ATAD2: variants seen among roughly 807,000 people sequenced by gnomAD.
The protein encoded by ATAD2 is ATPase family AAA domain-containing protein 2.
Under a neutral mutation model 168.9 loss-of-function variants are expected in ATAD2, and 62 were observed. The observed-to-expected ratio is 0.37, with a 90% CI of 0.30 to 0.45. The LOEUF is 0.45. Ranked by LOEUF, ATAD2 falls within the 20% of genes least tolerant of loss-of-function variation. The probability of loss-of-function intolerance (pLI) is 1.00; values close to 1 mark genes in which losing one functional copy is unlikely to be tolerated. For missense variants in ATAD2, 1,419 were observed against 1,667.8 expected (o/e 0.85, Z 2.60); for synonymous variants, 613 against 571.6 (o/e 1.07, Z -1.03).
chr8:123,327,911 T>C (rs1156810516), intron 25 of ATAD2, among the ~76,000 whole-genome samples: 2 of 152,218 alleles, frequency 1.3e-5, no homozygotes, highest in Non-Finnish European at 2.9e-5. Context: ...TACCCCAATT[T>C]TGCAGATAAG....
intron 24 of ATAD2, among the ~76,000 whole-genome samples, chr8:123,331,321 C>T (rs1476560240): frequency 6.6e-6 from 1 of 152,100 alleles, no homozygotes; most frequent in Non-Finnish European, 1.5e-5. Context: ...TCACTGCAAA[C>T]CCCACCTCCT....
chr8:123,339,217 G>C, intron 20 of ATAD2, 94 bp downstream of exon 20: 5 of 1,137,606 alleles, frequency 4.4e-6, no homozygotes, highest in Non-Finnish European at 4.9e-6. Context: ...CTTAGGTTTT[G>C]AGCTTGTGTT....
chr8:123,390,538 A>C (rs1229035868), intron 1 of ATAD2, among the ~76,000 whole-genome samples: 4 of 152,174 alleles, frequency 2.6e-5, no homozygotes, highest in Non-Finnish European at 4.4e-5. Flanking sequence ...ATACTTCATT[A>C]AGCTATATAC....
intron 12 of ATAD2, among the ~76,000 whole-genome samples, chr8:123,356,810 T>G (rs1056836726): frequency 6.6e-6 from 1 of 151,860 alleles, no homozygotes; most frequent in Non-Finnish European, 1.5e-5. Flanking sequence ...ATTTATAAAT[T>G]TAAACATAAG....
intron 18 of ATAD2, among the ~76,000 whole-genome samples, chr8:123,345,401 C>T (rs919067953): frequency 6.6e-6 from 1 of 151,842 alleles, no homozygotes; most frequent in Non-Finnish European, 1.5e-5. Flanking sequence ...GTGGCTCATG[C>T]CTATAATCCA....
chr8:123,378,379 T>A (rs1160700378), intron 2 of ATAD2, among the ~76,000 whole-genome samples: 1 of 152,068 alleles, frequency 6.6e-6, no homozygotes, highest in Non-Finnish European at 1.5e-5. Flanking sequence ...ACCTTGCTTA[T>A]CTAGAAAATA....
At chr8:123,362,401 A>G (rs1828854571) in intron 8 of ATAD2, among the ~76,000 whole-genome samples, 1 of 151,812 alleles carries the variant, frequency 6.6e-6, no homozygotes, top group African/African-American at 2.4e-5. Context: ...ACCTACTTTA[A>G]AAAATCAAAT....
intron 1 of ATAD2, among the ~76,000 whole-genome samples, chr8:123,407,211 C>G (rs186310094): frequency 6.6e-6 from 1 of 152,168 alleles, no homozygotes; most frequent in Non-Finnish European, 1.5e-5. Flanking sequence ...ACCTGGCTGA[C>G]GCTTTGATTT....
At chr8:123,327,573 C>G (rs912876632) in intron 25 of ATAD2, among the ~76,000 whole-genome samples, 2 of 151,558 alleles carry the variant, frequency 1.3e-5, no homozygotes, top group Non-Finnish European at 2.9e-5. Context: ...AATTTTTGGC[C>G]CCATTATCCA....
At chr8:123,334,365 TAATAA>T in intron 22 of ATAD2, 43 bp from the exon 23 acceptor site, 1 of 1,451,444 alleles carries the variant, frequency 6.9e-7, no homozygotes, top group Non-Finnish European at 9.1e-7. Context: ...TTCCCCCTTT[TAATAA>T]TATACCAAAA....
At chr8:123,353,895 G>A (rs1057102295) in intron 13 of ATAD2, among the ~76,000 whole-genome samples, 1 of 152,192 alleles carries the variant, frequency 6.6e-6, no homozygotes, top group Non-Finnish European at 1.5e-5. Flanking sequence ...TACTTTGGAA[G>A]GCTGAGGCAG....
intron 1 of ATAD2, among the ~76,000 whole-genome samples, chr8:123,385,780 CAT>C (rs1379194188): frequency 6.6e-6 from 1 of 151,860 alleles, no homozygotes; most frequent in Non-Finnish European, 1.5e-5. Context: ...TTTATATATA[CAT>C]ACACACACAC....
At chr8:123,336,572 T>A in intron 21 of ATAD2, 40 bp from the exon 22 acceptor site, 1 of 1,440,952 alleles carries the variant, frequency 6.9e-7, no homozygotes, top group South Asian at 1.6e-5. Flanking sequence ...AAATTAACTC[T>A]AAACATAACA....
At chr8:123,349,207 A>G (rs76670443) in intron 14 of ATAD2, 78 bp downstream of exon 14, 1 of 1,438,460 alleles carries the variant, frequency 7.0e-7, no homozygotes, top group Non-Finnish European at 9.3e-7. Flanking sequence ...AGAATCTCCA[A>G]ATTTTTACTA....
At chr8:123,413,434 CAG>C (rs568096581) in intron 1 of ATAD2, among the ~76,000 whole-genome samples, 303 of 152,226 alleles carry the variant, frequency 2.0e-3, no homozygotes, top group Non-Finnish European at 3.5e-3. Flanking sequence ...AAGTGTTTTG[CAG>C]AGATTAGTTT....
intron 1 of ATAD2, among the ~76,000 whole-genome samples, chr8:123,405,738 C>T (rs1340950688): frequency 6.6e-6 from 1 of 152,224 alleles, no homozygotes; most frequent in East Asian, 1.9e-4. Context: ...AACTTCCTCT[C>T]TTTGTTCAGC....
intron 15 of ATAD2, 34 bp from the exon 16 acceptor site, chr8:123,347,440 G>T (rs1202063885): frequency 2.0e-6 from 3 of 1,524,890 alleles, no homozygotes; most frequent in African/African-American, 2.8e-5. Flanking sequence ...AAAAGAACCA[G>T]CCGACCAAAC....
chr8:123,401,859 G>C (rs1211730821), intron 1 of ATAD2: 6 of 762,472 alleles, frequency 7.9e-6, no homozygotes, highest in Non-Finnish European at 1.4e-5. Flanking sequence ...CGATACTTCA[G>C]TGAGGAGGAT....
chr8:123,368,942 C>A, intron 8 of ATAD2, 116 bp downstream of exon 8: 1 of 459,206 alleles, frequency 2.2e-6, no homozygotes, highest in Non-Finnish European at 3.6e-6. Flanking sequence ...TAAGCTCTCC[C>A]AAATACACAA....
Sources: gnomAD v4.1 joint callset for allele counts (sites outside exome capture counted in the v4.1 genomes callset) on GRCh38, gnomAD v4.1.1 for gene constraint, MANE v1.5 for transcripts, NCBI Gene and HGNC (gene_info 2026-07-23, HGNC 2026-07-21) for gene names.